The following SRGAP3 variants were observed in gnomAD, a reference collection of about 807,000 sequenced individuals.
SRGAP3 encodes the protein SLIT-ROBO Rho GTPase-activating protein 3.
Under a neutral mutation model 121.1 loss-of-function variants are expected in SRGAP3, and 39 were observed. That is an observed-to-expected ratio of 0.32 (90% CI 0.25 to 0.42). The LOEUF (loss-of-function observed/expected upper bound fraction) is 0.42, where lower values mean the gene tolerates loss of function less well. SRGAP3 is among the 10% of genes least tolerant of loss of function. The pLI, the probability that SRGAP3 is intolerant of heterozygous loss-of-function variation, is 1.00. For synonymous variants in SRGAP3, 601 were observed against 570.0 expected (o/e 1.05, Z -0.77); for missense variants, 1,213 against 1,470.6 (o/e 0.82, Z 2.86).
At chr3:9,180,564 A>G (rs1331231412) in intron 1 of SRGAP3, among the ~76,000 whole-genome samples, 2 of 152,170 alleles carry the variant, frequency 1.3e-5, no homozygotes, top group Non-Finnish European at 2.9e-5. Flanking sequence ...CCTACAGGCA[A>G]GTTTCACCAA....
At chr3:9,319,741 CA>C (rs1955409717) in intron 3 of SRGAP3, among the ~76,000 whole-genome samples, 3 of 151,898 alleles carry the variant, frequency 2.0e-5, no homozygotes, top group South Asian at 4.1e-4. Context: ...AAAGTATTGG[CA>C]GTCAAGAGCT....
chr3:9,329,379 G>A (rs554512801), intron 2 of SRGAP3, among the ~76,000 whole-genome samples: 20 of 150,768 alleles, frequency 1.3e-4, no homozygotes, highest in Admixed American at 7.9e-4. Context: ...TGGGGGCCAA[G>A]CTGCATCATA....
chr3:9,013,940 G>T (rs1943500885), intron 15 of SRGAP3, 98 bp from the exon 16 acceptor site: 2 of 1,079,034 alleles, frequency 1.9e-6, no homozygotes, highest in Admixed American at 3.8e-5. Context: ...CCACGTGGAT[G>T]GGGGAGCCAG....
At chr3:9,289,877 G>C (rs896066999) in intron 3 of SRGAP3, among the ~76,000 whole-genome samples, 1 of 152,150 alleles carries the variant, frequency 6.6e-6, no homozygotes, top group Non-Finnish European at 1.5e-5. Flanking sequence ...GGAGGCTGAG[G>C]CAGGCAGATC....
At chr3:9,080,420 C>T (rs1947183416) in intron 3 of SRGAP3, among the ~76,000 whole-genome samples, 1 of 152,184 alleles carries the variant, frequency 6.6e-6, no homozygotes, top group South Asian at 2.1e-4. Flanking sequence ...TCTACGTGTA[C>T]TAAGCTGGTA....
At chr3:9,213,173 G>A (rs1380619288) in intron 1 of SRGAP3, among the ~76,000 whole-genome samples, 1 of 152,182 alleles carries the variant, frequency 6.6e-6, no homozygotes, top group African/African-American at 2.4e-5. Flanking sequence ...AAATAATGGA[G>A]TCTATTCCCT....
At chr3:9,247,347 C>T (rs1314014390) in intron 1 of SRGAP3, among the ~76,000 whole-genome samples, 3 of 152,184 alleles carry the variant, frequency 2.0e-5, no homozygotes, top group Non-Finnish European at 4.4e-5. Flanking sequence ...AACTGAAAAA[C>T]CAAAGACAGG....
intron 1 of SRGAP3, among the ~76,000 whole-genome samples, chr3:9,147,532 C>T (rs1320367438): frequency 6.6e-6 from 1 of 152,078 alleles, no homozygotes; most frequent in Non-Finnish European, 1.5e-5. Context: ...AGGCTCCCTG[C>T]CCCTAAATCT....
chr3:9,051,716 T>TC (rs1340017376), intron 9 of SRGAP3, among the ~76,000 whole-genome samples: 2 of 145,850 alleles, frequency 1.4e-5, no homozygotes, highest in Non-Finnish European at 3.0e-5. Context: ...AATTCTTTTT[T>TC]TTTTTTTTTT....
intron 18 of SRGAP3, among the ~76,000 whole-genome samples, chr3:9,006,256 C>T (rs1677037): frequency 0.81 from 123,023 of 151,700 alleles, 50,558 homozygotes; most frequent in African/African-American, 0.91. Flanking sequence ...AAAAATTAGC[C>T]GGGCATGGTG....
At chr3:9,206,622 C>T (rs1952274905) in intron 1 of SRGAP3, among the ~76,000 whole-genome samples, 2 of 152,176 alleles carry the variant, frequency 1.3e-5, no homozygotes, top group Non-Finnish European at 1.5e-5. Context: ...TGCCCAGGGC[C>T]ATGGCACATG....
chr3:9,009,727 G>A (rs1004030086), intron 18 of SRGAP3, among the ~76,000 whole-genome samples: 1 of 151,990 alleles, frequency 6.6e-6, no homozygotes, highest in Non-Finnish European at 1.5e-5. Flanking sequence ...GTCTTGACTG[G>A]CCTTTCTCTC....
chr3:9,144,756 C>T (rs139008567), intron 1 of SRGAP3, among the ~76,000 whole-genome samples: 1,672 of 152,278 alleles, frequency 0.011, 12 homozygotes, highest in Middle Eastern at 0.017. Context: ...CTTTTTCTTC[C>T]CAGTCTCAGG....
At chr3:9,008,442 G>GGAGAGAGAGAGAGA (rs59465338) in intron 18 of SRGAP3, 9 of 149,708 alleles carry the variant, frequency 6.0e-5, no homozygotes, top group African/African-American at 2.2e-4. Context: ...GACAGGAGTA[G>GGAGAGAGAGAGAGA]GAGAGAGAGA....
rs528289850 is a variant in SRGAP3, at chr3:9,054,779, G to A, written c.1125+1454C>T. 4.6e-5 allele frequency among the ~76,000 whole-genome samples: 7 copies of A among 152,340 alleles called. No individual in the cohort carries two copies. In the East Asian group the frequency reaches 1.3e-3, roughly 29 times the overall value. On this transcript the variant is annotated intron_variant, in intron 8 of 21. Coordinates refer to ENST00000383836, the MANE Select transcript of SRGAP3 (RefSeq NM_014850.4). ...GAGAGGAGGTGCTATGGTGCGTTGTGTTTGGTCACTTTACTCTATATCTAG... is the reference window on the plus strand; with the variant it reads ...GAGAGGAGGTGCTATGGTGCGTTGTATTTGGTCACTTTACTCTATATCTAG...
chr3:9,346,738 T>C (rs1000804769), intron 1 of SRGAP3, among the ~76,000 whole-genome samples: 1 of 145,216 alleles, frequency 6.9e-6, no homozygotes, highest in Non-Finnish European at 1.5e-5. Flanking sequence ...ATAGAGCAAC[T>C]AAAAGCAATT....
At chr3:9,313,909 G>A (rs1314037408) in intron 3 of SRGAP3, among the ~76,000 whole-genome samples, 3 of 151,880 alleles carry the variant, frequency 2.0e-5, no homozygotes, top group East Asian at 1.9e-4. Flanking sequence ...TGGGAGAATC[G>A]CTTGAACCCG....
rs1325471337 is a variant in SRGAP3 at position 8,981,070 on chromosome 3, G to A, written c.*4449C>T. The stretch of plus-strand genomic sequence containing the variant: ...GTCAACAAGGGGCAGCGATGGCCAT[G>A]TGGCCAGTCCCAGAGGGACAGCAGG... On this transcript the variant is annotated 3_prime_UTR_variant, in exon 22 of 22. Coordinates refer to ENST00000383836, the MANE Select transcript of SRGAP3 (RefSeq NM_014850.4). 8.6e-6 allele frequency: 2 copies of A among 233,018 alleles called. No individual in the cohort carries two copies. The highest frequency in any genetic ancestry group is 1.7e-5 in the Non-Finnish European group (2 of 117,904). The allele number at this position is 233,018 out of a possible 1,614,324, so 14.4% of individuals were successfully genotyped here. A position where few individuals can be genotyped will look rare whatever the true frequency, so the allele number is the denominator to read the frequency against.
chr3:9,032,624 G>A (rs775977153), intron 12 of SRGAP3, 26 bp downstream of exon 12: 10 of 1,604,452 alleles, frequency 6.2e-6, no homozygotes, highest in East Asian at 2.2e-5. Context: ...GTGCATTCGC[G>A]GACTCCACGG....
Sources: allele counts gnomAD v4.1 joint callset (sites outside exome capture counted in the v4.1 genomes callset), GRCh38; gene constraint gnomAD v4.1.1; transcripts MANE v1.5; gene names NCBI Gene and HGNC (gene_info 2026-07-23, HGNC 2026-07-21).